The following GSG1L variants were observed in gnomAD, a reference collection of about 807,000 sequenced individuals.
The protein encoded by GSG1L is GSG1 like.
Under a neutral mutation model 42.1 loss-of-function variants are expected in GSG1L, and 24 were observed. That is an observed-to-expected ratio of 0.57 (90% CI 0.41 to 0.80). GSG1L has a LOEUF of 0.80. GSG1L is among the 30% of genes least tolerant of loss of function. The pLI is 0.00. For missense variants in GSG1L, 445 were observed against 472.2 expected (o/e 0.94, Z 0.53); for synonymous variants, 215 against 203.5 (o/e 1.06, Z -0.48).
At chr16:27,880,472 C>A (rs2083938828) in intron 3 of GSG1L, among the ~76,000 whole-genome samples, 1 of 152,152 alleles carries the variant, frequency 6.6e-6, no homozygotes, top group Admixed American at 6.5e-5. Flanking sequence ...GCTTTGAAGC[C>A]AACTGGAGCT....
At chr16:28,003,605 G>C (rs1419481978) in intron 1 of GSG1L, among the ~76,000 whole-genome samples, 1 of 152,238 alleles carries the variant, frequency 6.6e-6, no homozygotes, top group African/African-American at 2.4e-5. Context: ...GTGGTTGCCA[G>C]CATGGCCGTG....
At chr16:28,057,343 T>G (rs1034457101) in intron 1 of GSG1L, among the ~76,000 whole-genome samples, 1 of 151,976 alleles carries the variant, frequency 6.6e-6, no homozygotes, top group Non-Finnish European at 1.5e-5. Flanking sequence ...GTTGGACCAA[T>G]GGACTAGGCA....
At chr16:28,029,521 G>A (rs370223951) in intron 1 of GSG1L, among the ~76,000 whole-genome samples, 18 of 117,310 alleles carry the variant, frequency 1.5e-4, no homozygotes, top group African/African-American at 5.5e-4. Context: ...AGATATATGG[G>A]TGCATGAAGG....
intron 1 of GSG1L, among the ~76,000 whole-genome samples, chr16:28,055,720 T>TCGG (rs1315639780): frequency 1.3e-4 from 20 of 151,046 alleles, no homozygotes; most frequent in Middle Eastern, 3.5e-3. Context: ...TCCGCCCACC[T>TCGG]CGGCCTCCCA....
At chr16:27,866,117 A>G (rs920824901) in intron 3 of GSG1L, among the ~76,000 whole-genome samples, 18 of 151,728 alleles carry the variant, frequency 1.2e-4, no homozygotes, top group Middle Eastern at 3.4e-3. Context: ...GCCTCTCTGT[A>G]TATCTCTGTA....
intron 3 of GSG1L, among the ~76,000 whole-genome samples, chr16:27,870,563 C>T (rs1238840524): frequency 6.6e-6 from 1 of 151,342 alleles, no homozygotes; most frequent in Non-Finnish European, 1.5e-5. Flanking sequence ...TATCAGGGGC[C>T]CTCCACTCTC....
At chr16:27,986,577 G>C (rs2085386679) in intron 1 of GSG1L, among the ~76,000 whole-genome samples, 1 of 152,052 alleles carries the variant, frequency 6.6e-6, no homozygotes. Flanking sequence ...TGCGACAAAG[G>C]GATAAGACTC....
chr16:27,948,388 CTT>C (rs1177690423), intron 2 of GSG1L, among the ~76,000 whole-genome samples: 1 of 151,278 alleles, frequency 6.6e-6, no homozygotes, highest in Non-Finnish European at 1.5e-5. Flanking sequence ...ATTCTTATTA[CTT>C]TGAGGCAGGG....
intron 2 of GSG1L, among the ~76,000 whole-genome samples, chr16:27,913,516 A>G (rs1208280373): frequency 3.3e-5 from 5 of 152,244 alleles, no homozygotes; most frequent in Non-Finnish European, 7.3e-5. Flanking sequence ...AAGGAAAATA[A>G]TGATTTGGGA....
intron 5 of GSG1L, among the ~76,000 whole-genome samples, chr16:27,821,225 G>C (rs2083147978): frequency 6.6e-6 from 1 of 152,134 alleles, no homozygotes; most frequent in South Asian, 2.1e-4. Context: ...CTGGAACATG[G>C]GCCCAGTGTG....
At chr16:27,980,402 G>C (rs141807157) in intron 1 of GSG1L, among the ~76,000 whole-genome samples, 1 of 152,168 alleles carries the variant, frequency 6.6e-6, no homozygotes, top group African/African-American at 2.4e-5. Flanking sequence ...GGGGAGAGGC[G>C]GGGAAGGCAG....
intron 1 of GSG1L, among the ~76,000 whole-genome samples, chr16:28,001,068 G>A (rs1319957081): frequency 1.3e-5 from 2 of 152,066 alleles, no homozygotes; most frequent in Non-Finnish European, 2.9e-5. Flanking sequence ...TGTGGGCTTC[G>A]TTCTACTCAT....
intron 1 of GSG1L, among the ~76,000 whole-genome samples, chr16:28,033,948 A>G (rs2085997444): frequency 1.3e-5 from 2 of 152,224 alleles, no homozygotes; most frequent in Admixed American, 1.3e-4. Context: ...AAGGGAGTCC[A>G]CAGCGCACAC....
intron 5 of GSG1L, among the ~76,000 whole-genome samples, chr16:27,828,088 A>ATCACCTACCCATCCACTCAC (rs2083233935): frequency 7.0e-6 from 1 of 143,144 alleles, no homozygotes; most frequent in African/African-American, 2.7e-5. Flanking sequence ...CCATCCATCC[A>ATCACCTACCCATCCACTCAC]TCACCTACCC....
chr16:27,952,082 C>T (rs978460798), intron 2 of GSG1L, among the ~76,000 whole-genome samples: 9 of 152,196 alleles, frequency 5.9e-5, no homozygotes, highest in Admixed American at 6.5e-5. Context: ...ACAGTTCAAC[C>T]CAGGTGGGTC....
chr16:27,814,517 G>A (rs887861604), intron 5 of GSG1L, among the ~76,000 whole-genome samples: 1 of 152,028 alleles, frequency 6.6e-6, no homozygotes, highest in South Asian at 2.1e-4. Flanking sequence ...TGTAAATAAT[G>A]CAAGAAAAAA....
chr16:28,030,738 T>C (rs1485806014), intron 1 of GSG1L, among the ~76,000 whole-genome samples: 2 of 145,502 alleles, frequency 1.4e-5, no homozygotes, highest in African/African-American at 2.5e-5. Flanking sequence ...TGGGATAGGA[T>C]GGGATGGGTT....
chr16:27,820,975 G>A (rs920255127), intron 5 of GSG1L, among the ~76,000 whole-genome samples: 7 of 151,964 alleles, frequency 4.6e-5, no homozygotes, highest in African/African-American at 1.5e-4. Context: ...TCTGTTCCCC[G>A]TGCCTGAAAT....
rs994251500 is a variant in GSG1L, at chr16:27,870,590, G to A, written c.550+13896C>T. Among the ~76,000 whole-genome samples the A allele has an allele frequency of 2.0e-4, 30 of 150,996 alleles. 1 individual carries two copies. The highest frequency in any genetic ancestry group is 1.9e-3 in the South Asian group (9 of 4,788). On this transcript the variant is annotated intron_variant, in intron 3 of 6. Coordinates refer to ENST00000447459, the MANE Select transcript of GSG1L (RefSeq NM_001109763.2). ...TCCACTCTCCTCTCTTCCCTTCCCCGCCCTCCTAGCCCTGCAAAGACTGAG... is the reference window on the plus strand; with the variant it reads ...TCCACTCTCCTCTCTTCCCTTCCCCACCCTCCTAGCCCTGCAAAGACTGAG...
Sources: gnomAD v4.1 joint callset for allele counts (sites outside exome capture counted in the v4.1 genomes callset) on GRCh38, gnomAD v4.1.1 for gene constraint, MANE v1.5 for transcripts, NCBI Gene and HGNC (gene_info 2026-07-23, HGNC 2026-07-21) for gene names.